The following SH3GLB1 variants were observed in gnomAD, a reference collection of about 807,000 sequenced individuals.
SH3GLB1 encodes endophilin-B1.
A neutral mutation model predicts 42.0 loss-of-function variants in SH3GLB1; 17 were observed. The ratio of observed to expected loss-of-function variants is 0.40; its 90% CI spans 0.28 to 0.61. The LOEUF (loss-of-function observed/expected upper bound fraction) is 0.61, where lower values mean the gene tolerates loss of function less well. Among genes scored for constraint, SH3GLB1 ranks in the 20% least tolerant of loss-of-function variants. The pLI is 0.36. For synonymous variants in SH3GLB1, 132 were observed against 146.6 expected (o/e 0.90, Z 0.72); for missense variants, 355 against 426.3 (o/e 0.83, Z 1.47).
chr1:86,743,389 G>T lies in SH3GLB1; in HGVS notation c.*154G>T. ...GGCCTTTCTGCCAATAAAGTTGCAT[G>T]GTAAATATTTCATTACAGAATTTAT... is the stretch of plus-strand genomic sequence containing the variant. On this transcript the variant is annotated 3_prime_UTR_variant, in exon 9 of 9. Transcript: ENST00000370558. 1 of 417,040 alleles carries T rather than the reference G, an allele frequency of 2.4e-6. No homozygotes were observed. The highest frequency in any genetic ancestry group is 4.3e-6 in the Non-Finnish European group (1 of 234,310). 25.8% of individuals were successfully genotyped at this position (417,040 alleles called of 1,614,324 possible). A position where few individuals can be genotyped will look rare whatever the true frequency, so the allele number is the denominator to read the frequency against.
chr1:86,744,021 CTGTGG>C lies in SH3GLB1; in HGVS notation c.*788_*792del, dbSNP rs1411076915. On this transcript the variant is annotated 3_prime_UTR_variant, in exon 9 of 9. Transcript: ENST00000370558. The stretch of plus-strand genomic sequence containing the variant: ...ATTGGGATTGGATCCATTTACTGTA[CTGTGG>C]TACAGTAAAGAGAATGTGTTCTTAT... 1 of 152,376 alleles carries C rather than the reference CTGTGG, an allele frequency of 6.6e-6. No homozygotes were observed. Among genetic ancestry groups the C allele is most frequent in the Non-Finnish European group, 1.5e-5 (1 of 68,010 alleles). 9.4% of individuals were successfully genotyped at this position (152,376 alleles called of 1,614,324 possible). A position where few individuals can be genotyped will look rare whatever the true frequency, so the allele number is the denominator to read the frequency against.
rs1467874963 is a variant in SH3GLB1, at chr1:86,715,746, A to T, written c.95A>T (p.Gln32Leu). 1 of 1,604,158 alleles carries T rather than the reference A, an allele frequency of 6.2e-7. No homozygotes were observed. The change falls in exon 2 of 9, where the codon CAG becomes CTG. Residue 32 changes from glutamine (Q) to leucine (L), a missense_variant. Physicochemically the swap from Gln to Leu is moderately radical, Grantham distance 113. Coordinates refer to ENST00000370558, the MANE Select transcript of SH3GLB1 (RefSeq NM_016009.5). The part of the protein sequence containing the change: ...AVQFTEEKLG[Q>L]AEKTELDAHL... The stretch of plus-strand genomic sequence containing the variant: ...CAGTTCACAGAAGAAAAGCTTGGCC[A>T]GGCTGAGAAGACAGAATTGGATGCT...
At chr1:86,731,965 T>A (rs944134784) in intron 5 of SH3GLB1, among the ~76,000 whole-genome samples, 4 of 152,106 alleles carry the variant, frequency 2.6e-5, no homozygotes, top group Admixed American at 6.6e-5. Flanking sequence ...CTTGGGAGGC[T>A]GAGGCAGGAG....
intron 5 of SH3GLB1, among the ~76,000 whole-genome samples, chr1:86,725,399 A>T (rs1177206343): frequency 1.3e-5 from 2 of 152,170 alleles, no homozygotes; most frequent in Non-Finnish European, 2.9e-5. Context: ...TATATATTAA[A>T]TATAATTAAA....
intron 1 of SH3GLB1, among the ~76,000 whole-genome samples, chr1:86,709,153 T>C (rs955459347): frequency 6.6e-6 from 1 of 152,232 alleles, no homozygotes; most frequent in Non-Finnish European, 1.5e-5. Flanking sequence ...TGAACTGTTA[T>C]GTTAGATCTC....
intron 2 of SH3GLB1, among the ~76,000 whole-genome samples, chr1:86,717,069 G>T (rs919996876): frequency 6.6e-6 from 1 of 152,138 alleles, no homozygotes; most frequent in African/African-American, 2.4e-5. Context: ...CCAAACTTCA[G>T]CATCATTCAG....
intron 7 of SH3GLB1, among the ~76,000 whole-genome samples, chr1:86,738,292 G>A (rs1216366831): frequency 6.6e-6 from 1 of 151,990 alleles, no homozygotes; most frequent in East Asian, 1.9e-4. Flanking sequence ...TTGAGACAGA[G>A]TCTTGCTCTG....
chr1:86,726,756 C>T (rs1034399765), intron 5 of SH3GLB1, among the ~76,000 whole-genome samples: 3 of 152,072 alleles, frequency 2.0e-5, no homozygotes, highest in South Asian at 4.1e-4. Flanking sequence ...AAAAAGTTCT[C>T]TTAGTTTATT....
At chr1:86,724,154 G>T (rs1655025417) in intron 4 of SH3GLB1, among the ~76,000 whole-genome samples, 159 bp from the exon 5 acceptor site, 1 of 146,522 alleles carries the variant, frequency 6.8e-6, no homozygotes, top group Middle Eastern at 3.5e-3. Context: ...GGGGTGGGGG[G>T]GGGCAGATAC....
intron 3 of SH3GLB1, among the ~76,000 whole-genome samples, chr1:86,721,498 T>C (rs1215332522): frequency 1.3e-5 from 2 of 152,156 alleles, no homozygotes; most frequent in Non-Finnish European, 2.9e-5. Context: ...ATGAAGGGAT[T>C]AAGATCCTTA....
chr1:86,714,940 T>A (rs1654424459), intron 1 of SH3GLB1, among the ~76,000 whole-genome samples: 1 of 152,246 alleles, frequency 6.6e-6, no homozygotes, highest in Non-Finnish European at 1.5e-5. Context: ...AATACCAGTA[T>A]ATTCAATAAT....
intron 3 of SH3GLB1, 36 bp downstream of exon 3, chr1:86,719,671 C>T (rs1185317544): frequency 1.3e-6 from 2 of 1,594,476 alleles, no homozygotes; most frequent in Non-Finnish European, 1.7e-6. Context: ...TAAGGGATAT[C>T]TTTATGTTTA....
chr1:86,729,915 C>T (rs1385954550), intron 5 of SH3GLB1, among the ~76,000 whole-genome samples: 1 of 152,016 alleles, frequency 6.6e-6, no homozygotes, highest in African/African-American at 2.4e-5. Flanking sequence ...GTCATACTTT[C>T]ACAGTATGTT....
At chr1:86,718,122 A>G (rs1392509958) in intron 2 of SH3GLB1, among the ~76,000 whole-genome samples, 1 of 151,474 alleles carries the variant, frequency 6.6e-6, no homozygotes, top group Non-Finnish European at 1.5e-5. Context: ...TTACTGCAAG[A>G]TCTGCCTCCT....
chr1:86,743,370 T>C lies in SH3GLB1; in HGVS notation c.*135T>C. On this transcript the variant is annotated 3_prime_UTR_variant, in exon 9 of 9. Coordinates refer to ENST00000370558, the MANE Select transcript of SH3GLB1 (RefSeq NM_016009.5). ...ATACCAGCCATCAGAAACTGGCCTT[T>C]CTGCCAATAAAGTTGCATGGTAAAT... 4.3e-6 allele frequency: 2 copies of C among 460,910 alleles called. No homozygotes were observed. Among genetic ancestry groups the C allele is most frequent in the South Asian group, 1.4e-4 (2 of 13,874 alleles). 28.6% of individuals were successfully genotyped at this position (460,910 alleles called of 1,614,324 possible).
At chr1:86,709,660 G>T (rs545817187) in intron 1 of SH3GLB1, among the ~76,000 whole-genome samples, 169 of 152,256 alleles carry the variant, frequency 1.1e-3, no homozygotes, top group African/African-American at 4.0e-3. Context: ...TAAAATAAGA[G>T]CAAAGACTTT....
At chr1:86,719,013 A>T (rs966255756) in intron 2 of SH3GLB1, among the ~76,000 whole-genome samples, 1 of 152,224 alleles carries the variant, frequency 6.6e-6, no homozygotes, top group Non-Finnish European at 1.5e-5. Context: ...GCCTGTGTCT[A>T]TATTTAGACT....
chr1:86,730,974 A>T (rs956316320), intron 5 of SH3GLB1, among the ~76,000 whole-genome samples: 1 of 152,234 alleles, frequency 6.6e-6, no homozygotes, highest in African/African-American at 2.4e-5. Context: ...AATATTTATC[A>T]TACTGTTAAC....
At chr1:86,723,892 G>A (rs1451180137) in intron 4 of SH3GLB1, among the ~76,000 whole-genome samples, 1 of 152,102 alleles carries the variant, frequency 6.6e-6, no homozygotes, top group African/African-American at 2.4e-5. Context: ...GTTTTGGGCT[G>A]CACAATTCCT....
Sources: allele counts gnomAD v4.1 joint callset (sites outside exome capture counted in the v4.1 genomes callset), GRCh38; gene constraint gnomAD v4.1.1; transcripts MANE v1.5; gene names NCBI Gene and HGNC (gene_info 2026-07-23, HGNC 2026-07-21).